The following GALNT17 variants were observed in gnomAD, a reference collection of about 807,000 sequenced individuals.
The protein encoded by GALNT17 is polypeptide N-acetylgalactosaminyltransferase 17.
In GALNT17, 29 loss-of-function variants were observed where a neutral mutation model predicts 63.7. The ratio of observed to expected loss-of-function variants is 0.46; its 90% confidence interval spans 0.34 to 0.62. GALNT17 has a LOEUF of 0.62. Ranked by LOEUF, GALNT17 falls within the 20% of genes least tolerant of loss-of-function variation. The pLI, the probability that GALNT17 is intolerant of heterozygous loss-of-function variation, is 0.01. For synonymous variants in GALNT17, 305 were observed against 318.3 expected (o/e 0.96, Z 0.45); for missense variants, 603 against 799.6 (o/e 0.75, Z 2.97).
chr7:71,178,117 C>G (rs1788671126), intron 1 of GALNT17, among the ~76,000 whole-genome samples: 2 of 152,186 alleles, frequency 1.3e-5, no homozygotes, highest in South Asian at 4.1e-4. Context: ...AATAAATTCT[C>G]TAATTTTCTT....
chr7:71,668,393 T>C (rs2117052354), intron 7 of GALNT17, among the ~76,000 whole-genome samples: 1 of 151,486 alleles, frequency 6.6e-6, no homozygotes, highest in East Asian at 2.0e-4. Context: ...GCGCATGCCT[T>C]TAATTCCAGC....
At chr7:71,711,994 C>G (rs769595167) in intron 10 of GALNT17, 24 bp from the exon 11 acceptor site, 1 of 1,613,528 alleles carries the variant, frequency 6.2e-7, no homozygotes, top group South Asian at 1.1e-5. Context: ...CTTCTCCTCT[C>G]TTCTCGATTT....
chr7:71,574,318 A>G (rs1419628011), intron 6 of GALNT17, among the ~76,000 whole-genome samples: 1 of 152,050 alleles, frequency 6.6e-6, no homozygotes, highest in Admixed American at 6.6e-5. Flanking sequence ...CCCCCAGGCA[A>G]TTTCTCCCTG....
intron 3 of GALNT17, 117 bp downstream of exon 3, chr7:71,388,518 A>C: frequency 7.9e-7 from 1 of 1,271,358 alleles, no homozygotes; most frequent in Non-Finnish European, 1.1e-6. Flanking sequence ...TATCTGGGGA[A>C]GGGATATTTT....
intron 6 of GALNT17, among the ~76,000 whole-genome samples, chr7:71,590,357 T>G (rs984332135): frequency 6.6e-6 from 1 of 152,224 alleles, no homozygotes; most frequent in Non-Finnish European, 1.5e-5. Context: ...CTGCCAGATC[T>G]ATTGTAAATT....
intron 5 of GALNT17, among the ~76,000 whole-genome samples, chr7:71,438,493 C>G (rs918204045): frequency 9.9e-5 from 15 of 152,172 alleles, no homozygotes; most frequent in African/African-American, 3.6e-4. Context: ...TACTTTGCAT[C>G]CTTCAATCCA....
At chr7:71,525,171 TTTTG>T (rs756290283) in intron 5 of GALNT17, among the ~76,000 whole-genome samples, 2 of 151,996 alleles carry the variant, frequency 1.3e-5, no homozygotes, top group Non-Finnish European at 2.9e-5. Context: ...TGTGTGTGTG[TTTTG>T]TTTGTTTGTT....
intron 5 of GALNT17, among the ~76,000 whole-genome samples, chr7:71,458,364 C>T (rs1787391446): frequency 6.6e-6 from 1 of 152,158 alleles, no homozygotes; most frequent in South Asian, 2.1e-4. Flanking sequence ...AGCAAGTAAA[C>T]AGTCAGGTGC....
intron 1 of GALNT17, among the ~76,000 whole-genome samples, chr7:71,142,161 T>C (rs1169855734): frequency 2.6e-5 from 4 of 152,054 alleles, no homozygotes; most frequent in African/African-American, 9.7e-5. Context: ...TGAGCCACTA[T>C]GCGGGGCCCT....
intron 6 of GALNT17, among the ~76,000 whole-genome samples, chr7:71,662,748 C>T (rs955291829): frequency 1.3e-5 from 2 of 152,152 alleles, no homozygotes; most frequent in African/African-American, 4.8e-5. Flanking sequence ...GGATATGTTA[C>T]ATTTTATTTA....
intron 5 of GALNT17, among the ~76,000 whole-genome samples, chr7:71,495,987 C>T (rs1329285909): frequency 6.6e-6 from 1 of 152,178 alleles, no homozygotes; most frequent in Non-Finnish European, 1.5e-5. Context: ...CTGCTGCCCA[C>T]CCCTGCTGTT....
chr7:71,313,796 T>TG (rs1248264526), intron 1 of GALNT17, among the ~76,000 whole-genome samples: 1 of 152,172 alleles, frequency 6.6e-6, no homozygotes, highest in African/African-American at 2.4e-5. Flanking sequence ...AGGCAGTTAC[T>TG]GCTCACTGGA....
At chr7:71,487,979 A>C (rs1370703586) in intron 5 of GALNT17, among the ~76,000 whole-genome samples, 1 of 151,956 alleles carries the variant, frequency 6.6e-6, no homozygotes, top group Non-Finnish European at 1.5e-5. Context: ...ACCAGCCTAG[A>C]CAACATAGCA....
intron 5 of GALNT17, among the ~76,000 whole-genome samples, chr7:71,471,268 G>A (rs1368438490): frequency 6.6e-6 from 1 of 151,558 alleles, no homozygotes; most frequent in Non-Finnish European, 1.5e-5. Flanking sequence ...GTAGAGAAAG[G>A]GTTTCCCCAT....
chr7:71,156,107 A>G (rs1788230536), intron 1 of GALNT17, among the ~76,000 whole-genome samples: 1 of 151,802 alleles, frequency 6.6e-6, no homozygotes, highest in African/African-American at 2.4e-5. Flanking sequence ...GAGGCAGCAG[A>G]ATCCCTTGAA....
intron 5 of GALNT17, among the ~76,000 whole-genome samples, chr7:71,539,242 C>T (rs772598722): frequency 2.6e-5 from 4 of 152,086 alleles, no homozygotes; most frequent in Non-Finnish European, 5.9e-5. Context: ...CCTCAGGATA[C>T]TCATTGGTTT....
At chr7:71,274,839 T>C (rs1045272259) in intron 1 of GALNT17, among the ~76,000 whole-genome samples, 3 of 152,200 alleles carry the variant, frequency 2.0e-5, no homozygotes, top group Admixed American at 6.5e-5. Context: ...ACTCAGGGCT[T>C]CCTTCTGATT....
chr7:71,530,671 C>T (rs1788705013), intron 5 of GALNT17, among the ~76,000 whole-genome samples: 1 of 152,036 alleles, frequency 6.6e-6, no homozygotes, highest in Admixed American at 6.6e-5. Context: ...GGGTTCACAC[C>T]ATTCTCCTGC....
At chr7:71,639,213 C>T (rs1790570819) in intron 6 of GALNT17, among the ~76,000 whole-genome samples, 1 of 152,078 alleles carries the variant, frequency 6.6e-6, no homozygotes, top group Non-Finnish European at 1.5e-5. Context: ...TAAATATATA[C>T]AGCTACTGTG....
Sources: allele counts gnomAD v4.1 joint callset (sites outside exome capture counted in the v4.1 genomes callset), GRCh38; gene constraint gnomAD v4.1.1; transcripts MANE v1.5; gene names NCBI Gene and HGNC (gene_info 2026-07-23, HGNC 2026-07-21).